Variants in CA5B observed in about 807,000 individuals in gnomAD.
CA5B encodes carbonic anhydrase 5B.
CA5B carries 15 observed loss-of-function variants against 23.1 expected under a neutral mutation model. The observed-to-expected ratio is 0.65, with a 90% CI of 0.43 to 1.00. The LOEUF (loss-of-function observed/expected upper bound fraction) is 1.00, where lower values mean the gene tolerates loss of function less well. Among genes scored for constraint, CA5B ranks in the 50% least tolerant of loss-of-function variants. CA5B has a pLI of 0.00. For synonymous variants in CA5B, 84 were observed against 98.5 expected (o/e 0.85, Z 0.87); for missense variants, 236 against 252.2 (o/e 0.94, Z 0.43).
chrX:15,749,666 G>A (rs1569274228), intron 1 of CA5B, among the ~76,000 whole-genome samples: 1 of 109,080 alleles, frequency 9.2e-6, no homozygotes, highest in Admixed American at 9.8e-5. Flanking sequence ...TTAAGAAACT[G>A]TACTGTAAAC....
At chrX:15,750,710 G>T (rs1569274457) in intron 2 of CA5B, among the ~76,000 whole-genome samples, 1 of 112,409 alleles carries the variant, frequency 8.9e-6, no homozygotes, top group East Asian at 2.8e-4. Flanking sequence ...TAGCTGATCA[G>T]TTTGCAAGTG....
intron 1 of CA5B, among the ~76,000 whole-genome samples, chrX:15,744,830 A>G (rs1184263450): frequency 4.5e-5 from 5 of 110,708 alleles, no homozygotes; most frequent in African/African-American, 6.6e-5. Flanking sequence ...ACATATTCCC[A>G]TTGCACTAAA....
intron 4 of CA5B, among the ~76,000 whole-genome samples, chrX:15,773,599 T>C (rs937939256): frequency 5.5e-5 from 6 of 109,687 alleles, no homozygotes; most frequent in Admixed American, 9.8e-5. Context: ...TTAGTAGAGA[T>C]GGAGTTTCAC....
intron 1 of CA5B, among the ~76,000 whole-genome samples, chrX:15,742,799 C>CTATT (rs2147251671): frequency 8.9e-6 from 1 of 112,652 alleles, no homozygotes; most frequent in South Asian, 3.6e-4. Context: ...TGTGGTAACC[C>CTATT]TATTCCCCTC....
rs369714844 is a variant in CA5B at position 15,782,578 on chromosome X, C to T, written c.868C>T (p.Arg290Cys). Residue 290 changes from arginine to cysteine, a missense_variant, in exon 8 of 8, where the codon CGC (arginine) becomes TGC (cysteine). Transcript: ENST00000318636. ...NFRPLQPLMN[R>C]TVRSSFRHDY... ...CCGCCCCCTTCAGCCACTGATGAAT[C>T]GCACTGTTCGTTCATCCTTCCGGCA... 12 of 1,206,577 alleles carry T rather than the reference C, an allele frequency of 9.9e-6. No individual in the cohort carries two copies. The highest frequency in any genetic ancestry group is 5.3e-5 in the African/African-American group (3 of 57,053).
chrX:15,775,343 C>G lies in CA5B; in HGVS notation c.618+35C>G, dbSNP rs768093291. 5 of 1,169,288 alleles carry G rather than the reference C, an allele frequency of 4.3e-6. No homozygotes were observed. In the South Asian group the frequency reaches 9.9e-5, roughly 23 times the overall value. ...GTTTTCCTTAATTACTTGAAATATA[C>G]TTTTATGTTTCAATCTCAGAGCGGA... On this transcript the variant is annotated intron_variant, in intron 6 of 7. Transcript: ENST00000318636.
chrX:15,778,054 A>G (rs967836867), intron 7 of CA5B, among the ~76,000 whole-genome samples: 2 of 112,041 alleles, frequency 1.8e-5, no homozygotes, highest in Non-Finnish European at 3.8e-5. Context: ...TTTGACATAT[A>G]TAAATCACAA....
rs1931411916 is a variant in CA5B, at chrX:15,753,145, G to C, written c.142+2980G>C. On this transcript the variant is annotated intron_variant, in intron 2 of 7. Transcript: ENST00000318636. ...TGAGCACATGTTCTCAGGTCCTCCT[G>C]TGGGCTGTGTCACAGGCCACAGTCA... is the stretch of plus-strand genomic sequence containing the variant. 2.7e-5 allele frequency among the ~76,000 whole-genome samples: 3 copies of C among 112,029 alleles called. No individual in the cohort carries two copies. The South Asian group carries it at 1.1e-3, about 41-fold the overall frequency.
Position 15,785,097 on chromosome X carries a change from G to A in CA5B, c.*2433G>A, listed in dbSNP as rs1932090169. ...GTTGAAACCCTTGTGCACTGTTGGT[G>A]GTAATGTAAAACGGTGCAGTCATTA... On this transcript the variant is annotated 3_prime_UTR_variant, in exon 8 of 8. Coordinates refer to ENST00000318636, the MANE Select transcript of CA5B (RefSeq NM_007220.4). 1 of 111,968 alleles carries A rather than the reference G, an allele frequency of 8.9e-6. No individual in the cohort carries two copies. Among genetic ancestry groups the A allele is most frequent in the Non-Finnish European group, 1.9e-5 (1 of 53,225 alleles). 9.2% of individuals were successfully genotyped at this position (111,968 alleles called of 1,213,427 possible).
At chrX:15,746,281 A>G (rs1931231988) in intron 1 of CA5B, among the ~76,000 whole-genome samples, 2 of 110,709 alleles carry the variant, frequency 1.8e-5, no homozygotes, top group Non-Finnish European at 3.8e-5. Context: ...TCCTGACCTC[A>G]TGATCCACCA....
rs1227491760 is a variant in CA5B, at chrX:15,783,793, A to AT, written c.*1130dup. 12 of 86,145 alleles carry AT rather than the reference A, an allele frequency of 1.4e-4. No homozygotes were observed. The highest frequency in any genetic ancestry group is 1.2e-4 in the Non-Finnish European group (5 of 43,274). 7.1% of individuals were successfully genotyped at this position (86,145 alleles called of 1,213,427 possible). On this transcript the variant is annotated 3_prime_UTR_variant, in exon 8 of 8. Coordinates refer to ENST00000318636, the MANE Select transcript of CA5B (RefSeq NM_007220.4). ...GCAACAGAGTGAGACTCTGTGTCTA[A>AT]TAAAAAAAAAAAAAGAAAAGAAAAG...
intron 2 of CA5B, among the ~76,000 whole-genome samples, chrX:15,759,279 C>G (rs1312480638): frequency 8.9e-6 from 1 of 111,826 alleles, no homozygotes; most frequent in Non-Finnish European, 1.9e-5. Flanking sequence ...GACCCCCTAA[C>G]ATTTGTGTGT....
intron 7 of CA5B, among the ~76,000 whole-genome samples, chrX:15,779,481 CAGGA>C (rs1931983965): frequency 8.9e-6 from 1 of 112,031 alleles, no homozygotes; most frequent in African/African-American, 3.2e-5. Flanking sequence ...TTAACCATCA[CAGGA>C]AGAAAATAAT....
rs905118514 is a variant in CA5B at position 15,762,999 on chromosome X, G to T, written c.143-1579G>T. 7 of 299,441 alleles carry T rather than the reference G, an allele frequency of 2.3e-5. 1 individual carries two copies. Among genetic ancestry groups the T allele is most frequent in the Non-Finnish European group, 4.6e-5 (7 of 152,607 alleles). 24.7% of individuals were successfully genotyped at this position (299,441 alleles called of 1,213,427 possible). ...AATCAGCATCAGCAATGTCTTCAGT[G>T]CCTGTGGAGGATAAATTATATGTGT... On this transcript the variant is annotated intron_variant, in intron 2 of 7. Coordinates refer to ENST00000318636, the MANE Select transcript of CA5B (RefSeq NM_007220.4).
In CA5B at chrX:15,784,855, A is replaced by G. The variant is rs1932085847; in HGVS notation, c.*2191A>G. On this transcript the variant is annotated 3_prime_UTR_variant, in exon 8 of 8. Coordinates refer to ENST00000318636, the MANE Select transcript of CA5B (RefSeq NM_007220.4). Reference sequence around the variant, plus strand: ...TTCTACAACTCAACAACAAAAAACCAAATAACTCAATTTTTAAAAATGGGC... The same window carrying G: ...TTCTACAACTCAACAACAAAAAACCGAATAACTCAATTTTTAAAAATGGGC... 1 of 112,301 alleles carries G rather than the reference A, an allele frequency of 8.9e-6. No individual in the cohort carries two copies. The highest frequency in any genetic ancestry group is 3.6e-4 in the South Asian group (1 of 2,743). The allele number at this position is 112,301 out of a possible 1,213,427, so 9.3% of individuals were successfully genotyped here. A position where few individuals can be genotyped will look rare whatever the true frequency, so the allele number is the denominator to read the frequency against.
At chrX:15,769,755 C>T (rs962499840) in intron 3 of CA5B, 1 of 217,834 alleles carries the variant, frequency 4.6e-6, no homozygotes. Context: ...TCACTATAGT[C>T]TAATTTTAAA....
Position 15,787,505 on chromosome X carries a change from T to C in CA5B, c.*4841T>C, listed in dbSNP as rs1201729620. On this transcript the variant is annotated 3_prime_UTR_variant, in exon 8 of 8. Coordinates refer to ENST00000318636, the MANE Select transcript of CA5B (RefSeq NM_007220.4). ...TGTTAAATTCAGATGATGGTAATTA[T>C]AGTTTGGAAGTGGAATTGGCTTTTA... The C allele has an allele frequency of 8.9e-6, 1 of 112,367 alleles. No individual in the cohort carries two copies. Among genetic ancestry groups the C allele is most frequent in the Non-Finnish European group, 1.9e-5 (1 of 53,317 alleles). The allele number at this position is 112,367 out of a possible 1,213,427, so 9.3% of individuals were successfully genotyped here. A position where few individuals can be genotyped will look rare whatever the true frequency, so the allele number is the denominator to read the frequency against.
chrX:15,764,133 C>T (rs1426264330), intron 2 of CA5B, among the ~76,000 whole-genome samples: 1 of 111,707 alleles, frequency 9.0e-6, no homozygotes, highest in Non-Finnish European at 1.9e-5. Flanking sequence ...TTCTAGGTAT[C>T]CTTTAATCCA....
chrX:15,773,585 A>AGT (rs1317296264), intron 4 of CA5B, among the ~76,000 whole-genome samples: 3 of 109,005 alleles, frequency 2.8e-5, no homozygotes, highest in Admixed American at 9.9e-5. Flanking sequence ...AATTTTTTGT[A>AGT]TTTTTAGTAG....
Sources: allele counts gnomAD v4.1 joint callset (sites outside exome capture counted in the v4.1 genomes callset), GRCh38; gene constraint gnomAD v4.1.1; transcripts MANE v1.5; gene names NCBI Gene and HGNC (gene_info 2026-07-23, HGNC 2026-07-21).